C1orf185: variants seen among roughly 807,000 people sequenced by gnomAD.
The protein encoded by C1orf185 is uncharacterized protein C1orf185.
Under a neutral mutation model 16.1 loss-of-function variants are expected in C1orf185, and 13 were observed. That is an observed-to-expected ratio of 0.81 (90% CI 0.53 to 1.28). The LOEUF is 1.28. C1orf185 is among the 50% of genes most tolerant of loss of function. C1orf185 has a pLI of 0.00. For missense variants in C1orf185, 220 were observed against 225.2 expected, an observed-to-expected ratio of 0.98 and a Z score of 0.15; for synonymous variants, 80 against 76.9, an observed-to-expected ratio of 1.04 and a Z score of -0.21.
chr1:51,116,241 C>T (rs1038716785), intron 2 of C1orf185, among the ~76,000 whole-genome samples: 5 of 151,750 alleles, frequency 3.3e-5, no homozygotes, highest in Admixed American at 2.6e-4. Context: ...CCTTCAGTAT[C>T]GTACTCATTT....
intron 1 of C1orf185, chr1:51,107,075 A>T (rs1192685981): frequency 2.0e-5 from 3 of 152,106 alleles, no homozygotes; most frequent in Admixed American, 2.0e-4. Context: ...TAATTTTTTT[A>T]AAGAAATGAA....
intron 1 of C1orf185, among the ~76,000 whole-genome samples, chr1:51,107,901 G>A (rs1196897439): frequency 6.6e-6 from 1 of 152,034 alleles, no homozygotes; most frequent in East Asian, 1.9e-4. Context: ...CTATTGATTG[G>A]CATTTGGACA....
intron 1 of C1orf185, among the ~76,000 whole-genome samples, chr1:51,111,126 CTAAT>C (rs1646114893): frequency 6.6e-6 from 1 of 151,746 alleles, no homozygotes; most frequent in Non-Finnish European, 1.5e-5. Context: ...TTCTTCATTC[CTAAT>C]TATTTTTAAT....
At chr1:51,111,272 T>TA (rs1328549125) in intron 1 of C1orf185, among the ~76,000 whole-genome samples, 1 of 151,832 alleles carries the variant, frequency 6.6e-6, no homozygotes, top group Non-Finnish European at 1.5e-5. Flanking sequence ...TTACCATCTA[T>TA]AAAATAAAGG....
At chr1:51,108,794 C>T (rs1402235794) in intron 1 of C1orf185, among the ~76,000 whole-genome samples, 1 of 152,280 alleles carries the variant, frequency 6.6e-6, no homozygotes, top group African/African-American at 2.4e-5. Context: ...ATATATACCA[C>T]ATTTTCTTTA....
intron 3 of C1orf185, among the ~76,000 whole-genome samples, chr1:51,123,946 TACACACAC>T (rs369268032): frequency 6.7e-5 from 10 of 149,210 alleles, no homozygotes; most frequent in African/African-American, 2.5e-4. Flanking sequence ...TGTATATATA[TACACACAC>T]ACACACACAC....
At chr1:51,121,623 C>A (rs912557147) in intron 3 of C1orf185, among the ~76,000 whole-genome samples, 1 of 152,080 alleles carries the variant, frequency 6.6e-6, no homozygotes, top group African/African-American at 2.4e-5. Flanking sequence ...TCAATTTCTG[C>A]CTCTGTATTG....
At chr1:51,131,051 C>T (rs938757444) in intron 3 of C1orf185, among the ~76,000 whole-genome samples, 24 of 152,134 alleles carry the variant, frequency 1.6e-4, no homozygotes, top group African/African-American at 5.6e-4. Flanking sequence ...TACAGGCATG[C>T]ACCACCATGC....
chr1:51,145,307 A>AAATAATAATAAT lies in C1orf185; in HGVS notation c.259-401_259-390dup, dbSNP rs111332471. ...GTGACAGAGCAAGACCCTGTCTCTAAAATAATAATAATAATAATAATAATA... is the reference window on the plus strand; with the variant it reads ...GTGACAGAGCAAGACCCTGTCTCTAAAATAATAATAATAATAATAATAATAATAATAATAATA... On this transcript the variant is annotated intron_variant, in intron 3 of 4. Transcript: ENST00000371759. 4.0e-3 allele frequency among the ~76,000 whole-genome samples: 609 copies of AAATAATAATAAT among 150,604 alleles called. 1 individual carries two copies. Among genetic ancestry groups the AAATAATAATAAT allele is most frequent in the African/African-American group, 0.012 (471 of 40,902 alleles).
intron 1 of C1orf185, among the ~76,000 whole-genome samples, chr1:51,112,002 A>G (rs1321506904): frequency 6.6e-6 from 1 of 152,200 alleles, no homozygotes; most frequent in Non-Finnish European, 1.5e-5. Flanking sequence ...GATTTCTAAG[A>G]TCTTAAAAAT....
chr1:51,109,978 T>C (rs1646104246), intron 1 of C1orf185, among the ~76,000 whole-genome samples: 1 of 152,176 alleles, frequency 6.6e-6, no homozygotes. Flanking sequence ...TTGCTTTGGT[T>C]ACCCTTAAAT....
intron 3 of C1orf185, among the ~76,000 whole-genome samples, chr1:51,122,512 C>G (rs901218813): frequency 6.6e-6 from 1 of 152,136 alleles, no homozygotes; most frequent in Non-Finnish European, 1.5e-5. Context: ...TATTCTTTCC[C>G]CCACACAGGC....
rs185966119 is a variant in C1orf185 at position 51,140,977 on chromosome 1, T to C, written c.259-4747T>C. Among the ~76,000 whole-genome samples, 660 of 152,328 alleles carry C rather than the reference T, an allele frequency of 4.3e-3. 5 individuals carry two copies. Among genetic ancestry groups the C allele is most frequent in the Middle Eastern group, 0.01 (3 of 294 alleles). On this transcript the variant is annotated intron_variant, in intron 3 of 4. Coordinates refer to ENST00000371759, the MANE Select transcript of C1orf185 (RefSeq NM_001136508.2). The stretch of plus-strand genomic sequence containing the variant: ...TTTTCTATTTTATTGATTTCTGCTC[T>C]AGTTGCATTATTTCTGAGCTCAGAC...
At chr1:51,133,952 T>G (rs768669282) in intron 3 of C1orf185, among the ~76,000 whole-genome samples, 1 of 152,044 alleles carries the variant, frequency 6.6e-6, no homozygotes, top group African/African-American at 2.4e-5. Flanking sequence ...CATGGTGGCA[T>G]GTGCCTGTAA....
rs1646177367 is a variant in C1orf185, at chr1:51,118,809, G to A, written c.258+8G>A. ...GGGAGATTCCAATTACAGGTAGGGT[G>A]TAATATTTTATAGTAATCTTTTCAA... is the stretch of plus-strand genomic sequence containing the variant. On this transcript the variant is annotated splice_region_variant and intron_variant, in intron 3 of 4. Coordinates refer to ENST00000371759, the MANE Select transcript of C1orf185 (RefSeq NM_001136508.2). 2 of 1,408,944 alleles carry A rather than the reference G, an allele frequency of 1.4e-6. No homozygotes were observed. Among genetic ancestry groups the A allele is most frequent in the Admixed American group, 2.7e-5 (1 of 36,578 alleles). 87.3% of individuals were successfully genotyped at this position (1,408,944 alleles called of 1,614,324 possible).
At chr1:51,105,892 A>T (rs1044851224) in intron 1 of C1orf185, among the ~76,000 whole-genome samples, 1 of 152,232 alleles carries the variant, frequency 6.6e-6, no homozygotes, top group Non-Finnish European at 1.5e-5. Context: ...ACAGAAAGTG[A>T]CACTCATTGA....
At chr1:51,124,109 T>C (rs1646219705) in intron 3 of C1orf185, among the ~76,000 whole-genome samples, 1 of 145,142 alleles carries the variant, frequency 6.9e-6, no homozygotes, top group Admixed American at 7.0e-5. Context: ...TTTGAGACAG[T>C]CTCGCACTGT....
intron 3 of C1orf185, among the ~76,000 whole-genome samples, chr1:51,123,937 G>GTA (rs763846395): frequency 3.4e-5 from 5 of 147,080 alleles, no homozygotes; most frequent in African/African-American, 1.3e-4. Context: ...ATACACACAT[G>GTA]TATATATATA....
intron 3 of C1orf185, among the ~76,000 whole-genome samples, chr1:51,120,801 T>A (rs908602255): frequency 2.0e-5 from 3 of 152,212 alleles, no homozygotes; most frequent in African/African-American, 7.2e-5. Flanking sequence ...TGTTTATTAT[T>A]CATTCAACAA....
Sources: gnomAD v4.1 joint callset for allele counts (sites outside exome capture counted in the v4.1 genomes callset) on GRCh38, gnomAD v4.1.1 for gene constraint, MANE v1.5 for transcripts, NCBI Gene and HGNC (gene_info 2026-07-23, HGNC 2026-07-21) for gene names.